The following RARA variants were observed in gnomAD, a reference collection of about 807,000 sequenced individuals.
The protein encoded by RARA is retinoic acid receptor alpha.
In RARA, 5 loss-of-function variants were observed where a neutral mutation model predicts 42.8. That is an observed-to-expected ratio of 0.12 (90% CI 0.06 to 0.25). The LOEUF (loss-of-function observed/expected upper bound fraction) is 0.25, where lower values mean the gene tolerates loss of function less well. Among genes scored for constraint, RARA ranks in the 10% least tolerant of loss-of-function variants. RARA has a pLI of 1.00. For missense variants in RARA, 402 were observed against 628.7 expected (o/e 0.64, Z 3.86); for synonymous variants, 256 against 259.5 (o/e 0.99, Z 0.13).
In RARA at chr17:40,354,174, C is replaced by G; in HGVS notation, c.808-128C>G. ...AACCTTTCCATCATTGTAGAAAATT[C>G]TATCAGACAGCATTGCTCCGGCCAC... On this transcript the variant is annotated intron_variant, in intron 6 of 8. Transcript: ENST00000254066. The surrounding 1 kb of genome is among the most constrained non-coding windows in gnomAD (Gnocchi z 4.5). 1 of 828,474 alleles carries G rather than the reference C, an allele frequency of 1.2e-6. No homozygotes were observed. Among genetic ancestry groups the G allele is most frequent in the Middle Eastern group, 3.7e-4 (1 of 2,712 alleles). The allele number at this position is 828,474 out of a possible 1,614,324, so 51.3% of individuals were successfully genotyped here.
Position 40,356,132 on chromosome 17 carries a change from G to A in RARA, c.1295G>A (p.Arg432Gln), listed in dbSNP as rs774473938. The A allele has an allele frequency of 2.7e-5, 16 of 586,442 alleles. No homozygotes were observed. The highest frequency in any genetic ancestry group is 1.1e-4 in the East Asian group (2 of 18,096). 36.3% of individuals were successfully genotyped at this position (586,442 alleles called of 1,614,324 possible). A position where few individuals can be genotyped will look rare whatever the true frequency, so the allele number is the denominator to read the frequency against. The change falls in exon 9 of 9, where the codon CGG becomes CAG. Residue 432 changes from arginine to glutamine, a missense_variant. Around this residue, in one of 5 missense-constraint regions of RARA, gnomAD observed 73 missense variants for 59.8 expected, o/e 1.22. Transcript: ENST00000254066. ...AGCGGACAGCCGGGGGGTGGGGGGC[G>A]GGACGGGGGTGGCCTGGCCCCCCCG... ...TLSGQPGGGG[R>Q]DGGGLAPPPG...
At chr17:40,349,759 C>T (rs2034382965) in intron 3 of RARA, 25 bp from the exon 4 acceptor site, 2 of 1,613,038 alleles carry the variant, frequency 1.2e-6, no homozygotes, top group Non-Finnish European at 1.7e-6. Context: ...TGTGGACAAC[C>T]TGACTCCCTC....
chr17:40,342,340 G>T (rs1445833695), intron 2 of RARA: 6 of 1,074,602 alleles, frequency 5.6e-6, no homozygotes, highest in African/African-American at 1.6e-5. Context: ...CGCTGATCCC[G>T]CCCCCGGCCT....
chr17:40,309,656 GGA>G (rs1399917653), intron 1 of RARA, among the ~76,000 whole-genome samples: 1 of 152,196 alleles, frequency 6.6e-6, no homozygotes, highest in Non-Finnish European at 1.5e-5. Flanking sequence ...AACAGAGAGA[GGA>G]GAGAGCCAGA....
intron 1 of RARA, among the ~76,000 whole-genome samples, chr17:40,318,912 C>T (rs1226945004): frequency 6.6e-6 from 1 of 152,182 alleles, no homozygotes. Context: ...CAGAGGGAGC[C>T]GGCCGGGGGC....
chr17:40,352,259 C>A lies in RARA; in HGVS notation c.631-72C>A. 6.5e-7 allele frequency: 1 copy of A among 1,536,324 alleles called. No individual in the cohort carries two copies. The highest frequency in any genetic ancestry group is 1.4e-5 in the African/African-American group (1 of 72,936). Reference sequence around the variant, plus strand: ...AGTGAAGGCTGGGTAGAGGGCAGGCCTGTGGGGGCTGGAGCCAGGCTGAGA... The same window carrying A: ...AGTGAAGGCTGGGTAGAGGGCAGGCATGTGGGGGCTGGAGCCAGGCTGAGA... On this transcript the variant is annotated intron_variant, in intron 5 of 8. Transcript: ENST00000254066. This position sits in a 1 kb window ranked among gnomAD's most constrained non-coding sequence, Gnocchi z 4.9.
intron 2 of RARA, 84 bp from the exon 3 acceptor site, chr17:40,348,231 AG>A: frequency 6.9e-7 from 1 of 1,440,970 alleles, no homozygotes; most frequent in East Asian, 2.6e-5. Flanking sequence ...AGAGGCTCTT[AG>A]GAGGGACGGT....
At chr17:40,350,818 G>C (rs1437159715) in intron 4 of RARA, among the ~76,000 whole-genome samples, 1 of 140,120 alleles carries the variant, frequency 7.1e-6, no homozygotes, top group Admixed American at 6.7e-5. Flanking sequence ...CTGAGCCCAG[G>C]AAGTGGCTCC....
intron 2 of RARA, among the ~76,000 whole-genome samples, chr17:40,346,495 C>CCCCCTTGCCCTTGATCT (rs1460513147): frequency 1.3e-5 from 2 of 150,548 alleles, no homozygotes; most frequent in Non-Finnish European, 3.0e-5. Context: ...CCTCCACATA[C>CCCCCTTGCCCTTGATCT]CCCCTTGCCC....
intron 2 of RARA, chr17:40,341,576 C>G: frequency 7.3e-7 from 1 of 1,366,408 alleles, no homozygotes; most frequent in Non-Finnish European, 9.4e-7. Context: ...CGGGCGAGCC[C>G]CGCGGGCGGG....
rs2034576846 is a variant in RARA, at chr17:40,355,170, C to T, written c.1013-93C>T. On this transcript the variant is annotated intron_variant, in intron 7 of 8. Transcript: ENST00000254066. The surrounding 1 kb of genome is among the most constrained non-coding windows in gnomAD (Gnocchi z 4.1). ...TGGGGAGGCGCCTGCGAGCTGCCCT[C>T]CTCCATGGCCTGGGCAGGCACGCCC... 1.4e-6 allele frequency: 2 copies of T among 1,446,686 alleles called. No homozygotes were observed. Among genetic ancestry groups the T allele is most frequent in the African/African-American group, 1.4e-5 (1 of 70,204 alleles). 89.6% of individuals were successfully genotyped at this position (1,446,686 alleles called of 1,614,324 possible). A position where few individuals can be genotyped will look rare whatever the true frequency, so the allele number is the denominator to read the frequency against.
rs2034229183 is a variant in RARA, at chr17:40,345,420, G to T, written c.179-2896G>T. Reference sequence around the variant, plus strand: ...GATTGGGAGGGGAGCCGCTGGCCGGGGGCCCGGCTGATTTCCTGCTGATCT... The same window carrying T: ...GATTGGGAGGGGAGCCGCTGGCCGGTGGCCCGGCTGATTTCCTGCTGATCT... On this transcript the variant is annotated intron_variant, in intron 2 of 8. Transcript: ENST00000254066. This position sits in a 1 kb window ranked among gnomAD's most constrained non-coding sequence, Gnocchi z 4.8. 6.6e-6 allele frequency: 1 copy of T among 152,350 alleles called. No individual in the cohort carries two copies. Among genetic ancestry groups the T allele is most frequent in the Non-Finnish European group, 1.5e-5 (1 of 68,126 alleles). 9.4% of individuals were successfully genotyped at this position (152,350 alleles called of 1,614,324 possible).
chr17:40,350,242 G>A (rs554712235), intron 4 of RARA: 9 of 334,616 alleles, frequency 2.7e-5, no homozygotes, highest in Middle Eastern at 9.3e-4. Flanking sequence ...CTTCCAGGCC[G>A]TGCTTGGTTT....
chr17:40,338,135 T>G (rs2143339164), intron 2 of RARA, among the ~76,000 whole-genome samples: 1 of 152,290 alleles, frequency 6.6e-6, no homozygotes, highest in African/African-American at 2.4e-5. Context: ...CCGTCTTCCT[T>G]TTAGGTGGGT....
At chr17:40,324,426 G>A (rs1239804846) in intron 1 of RARA, among the ~76,000 whole-genome samples, 3 of 152,068 alleles carry the variant, frequency 2.0e-5, no homozygotes, top group African/African-American at 7.2e-5. Context: ...CAGACACCCT[G>A]GGCTTCAGAG....
chr17:40,318,329 C>G (rs1458205142), intron 1 of RARA: 1 of 152,356 alleles, frequency 6.6e-6, no homozygotes, highest in Non-Finnish European at 1.5e-5. Flanking sequence ...GAGCCGCGGC[C>G]CCCTGGACGG....
Position 40,351,772 on chromosome 17 carries a change from C to T in RARA, c.470-138C>T. ...GAGTGCGTGGCAATGCCTTGCCTGC[C>T]CGTGAACGCGTGCTGTGTGCGCGTG... On this transcript the variant is annotated intron_variant, in intron 4 of 8. Coordinates refer to ENST00000254066, the MANE Select transcript of RARA (RefSeq NM_000964.4). This position sits in a 1 kb window ranked among gnomAD's most constrained non-coding sequence, Gnocchi z 4.1. 1 of 1,164,444 alleles carries T rather than the reference C, an allele frequency of 8.6e-7. No homozygotes were observed. Among genetic ancestry groups the T allele is most frequent in the East Asian group, 2.6e-5 (1 of 38,360 alleles). The allele number at this position is 1,164,444 out of a possible 1,614,324, so 72.1% of individuals were successfully genotyped here.
chr17:40,352,310 T>A lies in RARA; in HGVS notation c.631-21T>A, dbSNP rs759023953. The A allele has an allele frequency of 8.2e-6, 13 of 1,577,316 alleles. No individual in the cohort carries two copies. In the East Asian group the frequency reaches 2.5e-4, roughly 31 times the overall value. On this transcript the variant is annotated intron_variant, in intron 5 of 8. Coordinates refer to ENST00000254066, the MANE Select transcript of RARA (RefSeq NM_000964.4). This position sits in a 1 kb window ranked among gnomAD's most constrained non-coding sequence, Gnocchi z 4.9. The stretch of plus-strand genomic sequence containing the variant: ...AGGGGTGCCATGGAGAAGAAGGCCC[T>A]CACTCTCCCTCCTCCCCCAGAACAA...
At position 40,345,584 on chromosome 17, in the gene RARA, GA is replaced by G. The variant is rs1440500831; in HGVS notation, c.179-2731del. 6.6e-6 allele frequency among the ~76,000 whole-genome samples: 1 copy of G among 152,248 alleles called. No individual in the cohort carries two copies. The highest frequency in any genetic ancestry group is 1.5e-5 in the Non-Finnish European group (1 of 68,030). ...CACCCTGGCAGCGTCGGCGGGAGGG[GA>G]CGCCTGGCTTCCTGGGTCAGTTCCA... is the stretch of plus-strand genomic sequence containing the variant. On this transcript the variant is annotated intron_variant, in intron 2 of 8. Transcript: ENST00000254066. This position sits in a 1 kb window ranked among gnomAD's most constrained non-coding sequence, Gnocchi z 4.8.
Sources: gnomAD v4.1 joint callset for allele counts (sites outside exome capture counted in the v4.1 genomes callset) on GRCh38, gnomAD v4.1.1 for gene constraint, gnomAD v4.1.1 regional missense constraint, Gnocchi (gnomAD v3.1) non-coding constraint, MANE v1.5 for transcripts, NCBI Gene and HGNC (gene_info 2026-07-23, HGNC 2026-07-21) for gene names.